SHC3: variants seen among roughly 807,000 people sequenced by gnomAD.
SHC3 encodes the protein SHC adaptor protein 3, also known as SHC-transforming protein 3.
SHC3 carries 15 observed loss-of-function variants against 60.4 expected under a neutral mutation model. That is an observed-to-expected ratio of 0.25 (90% CI 0.17 to 0.38). The LOEUF (loss-of-function observed/expected upper bound fraction) is 0.38, where lower values mean the gene tolerates loss of function less well. Among genes scored for constraint, SHC3 ranks in the 10% least tolerant of loss-of-function variants. The pLI is 1.00. For synonymous variants in SHC3, 294 were observed against 325.9 expected (o/e 0.90, Z 1.05); for missense variants, 677 against 786.1 (o/e 0.86, Z 1.66).
intron 2 of SHC3, among the ~76,000 whole-genome samples, chr9:89,099,115 T>C (rs1005846989): frequency 1.3e-5 from 2 of 152,308 alleles, no homozygotes; most frequent in Admixed American, 6.5e-5. Flanking sequence ...ACAAGCTATA[T>C]TCAATAGAAT....
chr9:89,009,433 A>C lies in SHC3; in HGVS notation c.*4014T>G, dbSNP rs1367903789. 6.6e-6 allele frequency: 1 copy of C among 152,250 alleles called. No homozygotes were observed. The highest frequency in any genetic ancestry group is 1.5e-5 in the Non-Finnish European group (1 of 68,060). 9.4% of individuals were successfully genotyped at this position (152,250 alleles called of 1,614,324 possible). On this transcript the variant is annotated 3_prime_UTR_variant, in exon 12 of 12. Coordinates refer to ENST00000375835, the MANE Select transcript of SHC3 (RefSeq NM_016848.6). ...CCAATCCTACTGTCACCGTCCACAG[A>C]AAGGGATTTATGGACAGCACACAAA...
chr9:89,075,070 G>T (rs1825335185), intron 4 of SHC3, 39 bp downstream of exon 4: 1 of 1,607,140 alleles, frequency 6.2e-7, no homozygotes, highest in South Asian at 1.1e-5. Flanking sequence ...CATCACCTGG[G>T]GCTGTGGGCA....
chr9:89,122,818 G>T (rs913325256), intron 1 of SHC3, among the ~76,000 whole-genome samples: 6 of 152,148 alleles, frequency 3.9e-5, no homozygotes, highest in African/African-American at 1.4e-4. Flanking sequence ...TAGGAATTGT[G>T]GGAAGGAGGT....
chr9:89,020,646 C>A (rs1032846121), intron 11 of SHC3, among the ~76,000 whole-genome samples: 1 of 152,192 alleles, frequency 6.6e-6, no homozygotes, highest in African/African-American at 2.4e-5. Flanking sequence ...TGGCACAAAA[C>A]CGCCCTCATG....
chr9:89,163,313 T>C (rs1587764422), intron 1 of SHC3, among the ~76,000 whole-genome samples: 1 of 152,308 alleles, frequency 6.6e-6, no homozygotes, highest in Non-Finnish European at 1.5e-5. Flanking sequence ...ATTGCGGCAT[T>C]GTTCACAATA....
In SHC3 at chr9:89,046,862, A is replaced by C. The variant is rs1824783218; in HGVS notation, c.1095T>G (p.His365Gln). The C allele has an allele frequency of 6.2e-7, 1 of 1,604,646 alleles. No homozygotes were observed. The highest frequency in any genetic ancestry group is 1.1e-5 in the South Asian group (1 of 88,302). Residue 365 changes from histidine to glutamine, a missense_variant, in exon 8 of 12, where the codon CAT becomes CAG. His to Gln is a conservative substitution (Grantham distance 24, BLOSUM62 0). Coordinates refer to ENST00000375835, the MANE Select transcript of SHC3 (RefSeq NM_016848.6). ...GACTTACCTGGGCTGTGTCAGGAGCATGGGGTCTGGGTTTCAGTCTAGTAT... is the reference window on the plus strand; with the variant it reads ...GACTTACCTGGGCTGTGTCAGGAGCCTGGGGTCTGGGTTTCAGTCTAGTAT... ...FLDTRLKPRP[H>Q]APDTAQFAGK...
chr9:89,076,328 A>G (rs920229330), intron 3 of SHC3, among the ~76,000 whole-genome samples: 8 of 152,180 alleles, frequency 5.3e-5, no homozygotes, highest in African/African-American at 1.9e-4. Flanking sequence ...GGTGCGTGAA[A>G]GTCCCCAAGC....
At chr9:89,140,455 C>A (rs994795143) in intron 1 of SHC3, among the ~76,000 whole-genome samples, 75 of 152,172 alleles carry the variant, frequency 4.9e-4, no homozygotes, top group African/African-American at 1.8e-3. Flanking sequence ...TGGGGGGGCG[C>A]ATCTCCATAC....
intron 1 of SHC3, among the ~76,000 whole-genome samples, chr9:89,150,985 C>T (rs1268962470): frequency 1.3e-5 from 2 of 149,426 alleles, no homozygotes; most frequent in East Asian, 3.9e-4. Flanking sequence ...TGTTGAGCAT[C>T]TTTTCATGTG....
At chr9:89,136,576 C>T (rs1339197940) in intron 1 of SHC3, among the ~76,000 whole-genome samples, 3 of 152,164 alleles carry the variant, frequency 2.0e-5, no homozygotes, top group African/African-American at 7.2e-5. Context: ...GAATTGTCCA[C>T]CCCTTTCCCA....
chr9:89,021,639 G>A (rs1489002429), intron 11 of SHC3, among the ~76,000 whole-genome samples: 1 of 152,222 alleles, frequency 6.6e-6, no homozygotes, highest in Non-Finnish European at 1.5e-5. Context: ...CCTGCCTTGG[G>A]CCATCCCAGG....
At chr9:89,043,326 C>T (rs981416547) in intron 9 of SHC3, among the ~76,000 whole-genome samples, 3 of 152,230 alleles carry the variant, frequency 2.0e-5, no homozygotes, top group Non-Finnish European at 4.4e-5. Context: ...TATTTCTCAA[C>T]ATGCTTTCTA....
chr9:89,101,074 C>T (rs1323653885), intron 2 of SHC3, among the ~76,000 whole-genome samples: 1 of 152,146 alleles, frequency 6.6e-6, no homozygotes, highest in Non-Finnish European at 1.5e-5. Context: ...ATTTATTTAG[C>T]TCTTTAATTT....
intron 1 of SHC3, among the ~76,000 whole-genome samples, chr9:89,140,808 C>T (rs991266907): frequency 3.3e-5 from 5 of 152,048 alleles, no homozygotes; most frequent in Admixed American, 6.5e-5. Context: ...CTCAGGTTCT[C>T]TTATGTCGGC....
chr9:89,057,875 C>T lies in SHC3; in HGVS notation c.836-5712G>A, dbSNP rs370229232. On this transcript the variant is annotated intron_variant, in intron 6 of 11. Transcript: ENST00000375835. ...ACAGGTGTGGTTAAGTTAAGGATCT[C>T]GAGATGAGATTATCCTGGATTAGGG... is the stretch of plus-strand genomic sequence containing the variant. 4.9e-4 allele frequency among the ~76,000 whole-genome samples: 75 copies of T among 152,240 alleles called. 2 individuals carry two copies. In the South Asian group the frequency reaches 0.015, roughly 31 times the overall value.
chr9:89,030,703 T>C (rs1238809372), intron 11 of SHC3, among the ~76,000 whole-genome samples: 1 of 152,230 alleles, frequency 6.6e-6, no homozygotes, highest in Non-Finnish European at 1.5e-5. Context: ...ACCTGTTTGT[T>C]GGAATCAGAA....
At position 89,011,577 on chromosome 9, in the gene SHC3, C is replaced by T. The variant is rs1299956998; in HGVS notation, c.*1870G>A. The stretch of plus-strand genomic sequence containing the variant: ...AGGGCAGCTCTCAGAGCACCCAAGT[C>T]TATGCTGTCTTGGGGCAGGAGCCTG... On this transcript the variant is annotated 3_prime_UTR_variant, in exon 12 of 12. Transcript: ENST00000375835. 6.6e-6 allele frequency: 1 copy of T among 152,274 alleles called. No homozygotes were observed. The highest frequency in any genetic ancestry group is 1.5e-5 in the Non-Finnish European group (1 of 68,068). 9.4% of individuals were successfully genotyped at this position (152,274 alleles called of 1,614,324 possible). A position where few individuals can be genotyped will look rare whatever the true frequency, so the allele number is the denominator to read the frequency against.
intron 2 of SHC3, among the ~76,000 whole-genome samples, chr9:89,081,487 C>T (rs1825443804): frequency 6.6e-6 from 1 of 150,542 alleles, no homozygotes; most frequent in Non-Finnish European, 1.5e-5. Context: ...GAGTTTCTTG[C>T]CTCTTCTGAG....
intron 11 of SHC3, among the ~76,000 whole-genome samples, chr9:89,016,125 A>G (rs1486756281): frequency 6.6e-6 from 1 of 152,086 alleles, no homozygotes; most frequent in African/African-American, 2.4e-5. Flanking sequence ...CCAGGCTAAG[A>G]AAAAAAGATG....
Sources: allele counts gnomAD v4.1 joint callset (sites outside exome capture counted in the v4.1 genomes callset), GRCh38; gene constraint gnomAD v4.1.1; transcripts MANE v1.5; gene names NCBI Gene and HGNC (gene_info 2026-07-23, HGNC 2026-07-21).